PJA2: variants seen among roughly 807,000 people sequenced by gnomAD.
PJA2 encodes E3 ubiquitin-protein ligase Praja-2.
A neutral mutation model predicts 69.3 loss-of-function variants in PJA2; 25 were observed. That is an observed-to-expected ratio of 0.36 (90% CI 0.26 to 0.50). The LOEUF (loss-of-function observed/expected upper bound fraction) is 0.50. Among genes scored for constraint, PJA2 ranks in the 20% least tolerant of loss-of-function variants. The probability of loss-of-function intolerance (pLI) is 0.96; values close to 1 mark genes in which losing one functional copy is unlikely to be tolerated. For missense variants in PJA2, 809 were observed against 830.2 expected (o/e 0.97, Z 0.31); for synonymous variants, 308 against 277.8 (o/e 1.11, Z -1.08).
intron 7 of PJA2, among the ~76,000 whole-genome samples, chr5:109,355,273 T>A (rs1047650409): frequency 2.6e-5 from 4 of 152,200 alleles, no homozygotes; most frequent in Non-Finnish European, 5.9e-5. Context: ...ATTTTGGAAA[T>A]CACTTTGGAA....
At chr5:109,355,879 T>A (rs1160831291) in intron 7 of PJA2, 36 bp downstream of exon 7, 1 of 1,423,342 alleles carries the variant, frequency 7.0e-7, no homozygotes, top group Admixed American at 1.9e-5. Context: ...TTGTATCCCA[T>A]CAACTTATAT....
intron 4 of PJA2, among the ~76,000 whole-genome samples, chr5:109,376,511 C>G (rs766802031): frequency 4.0e-5 from 6 of 151,660 alleles, no homozygotes; most frequent in Non-Finnish European, 8.8e-5. Flanking sequence ...TCATCAACTT[C>G]ATCATAAGAC....
intron 4 of PJA2, among the ~76,000 whole-genome samples, chr5:109,375,009 A>G (rs1746829994): frequency 6.6e-6 from 1 of 152,158 alleles, no homozygotes; most frequent in South Asian, 2.1e-4. Context: ...TCCTAATTTA[A>G]TAAGGTGGTG....
intron 5 of PJA2, 87 bp from the exon 6 acceptor site, chr5:109,363,109 T>C: frequency 9.1e-7 from 1 of 1,095,418 alleles, no homozygotes; most frequent in Non-Finnish European, 1.3e-6. Flanking sequence ...TGCAAGTGGA[T>C]TCTGTTGAGT....
chr5:109,402,637 G>C (rs560877873), intron 1 of PJA2, among the ~76,000 whole-genome samples: 1 of 152,140 alleles, frequency 6.6e-6, no homozygotes, highest in East Asian at 1.9e-4. Context: ...AGTAAGGAAA[G>C]AGAAGGCCTA....
intron 4 of PJA2, among the ~76,000 whole-genome samples, chr5:109,370,976 A>T (rs1762666457): frequency 1.3e-5 from 2 of 152,224 alleles, no homozygotes; most frequent in Non-Finnish European, 2.9e-5. Context: ...AATGTCTATG[A>T]TCAATAATCA....
At chr5:109,388,996 G>C (rs1034344345) in intron 1 of PJA2, among the ~76,000 whole-genome samples, 1 of 152,086 alleles carries the variant, frequency 6.6e-6, no homozygotes, top group African/African-American at 2.4e-5. Context: ...AATGTTATTA[G>C]AAAGCTATTT....
intron 7 of PJA2, among the ~76,000 whole-genome samples, chr5:109,354,215 A>G (rs1485680769): frequency 6.8e-6 from 1 of 147,850 alleles, no homozygotes; most frequent in Non-Finnish European, 1.5e-5. Flanking sequence ...TCTATAGATT[A>G]GATATCTATG....
At chr5:109,364,053 G>A (rs1038462591) in intron 5 of PJA2, among the ~76,000 whole-genome samples, 4 of 152,154 alleles carry the variant, frequency 2.6e-5, no homozygotes, top group African/African-American at 9.7e-5. Context: ...TGAGGCATGA[G>A]AATCGCTTGA....
intron 9 of PJA2, among the ~76,000 whole-genome samples, chr5:109,342,201 G>A (rs1582580468): frequency 7.3e-5 from 6 of 81,670 alleles, no homozygotes; most frequent in African/African-American, 2.0e-4. Flanking sequence ...GGAGGTGGGG[G>A]GGGGTCAGCC....
chr5:109,388,448 T>C (rs3853631), intron 1 of PJA2, among the ~76,000 whole-genome samples: 4,615 of 152,314 alleles, frequency 0.03, 91 homozygotes, highest in Middle Eastern at 0.048. Flanking sequence ...ATGATAAATG[T>C]CTGAGTTGCT....
chr5:109,398,705 A>C (rs1352693392), intron 1 of PJA2, among the ~76,000 whole-genome samples: 1 of 151,988 alleles, frequency 6.6e-6, no homozygotes, highest in Non-Finnish European at 1.5e-5. Context: ...GCAGCACACC[A>C]ACACGGCACA....
intron 7 of PJA2, among the ~76,000 whole-genome samples, chr5:109,355,260 T>C (rs1450177263): frequency 1.3e-5 from 2 of 152,212 alleles, no homozygotes; most frequent in East Asian, 1.9e-4. Flanking sequence ...TTTCTGTACC[T>C]ATATTTTGGA....
intron 4 of PJA2, among the ~76,000 whole-genome samples, chr5:109,376,772 G>A (rs1412541754): frequency 6.6e-6 from 1 of 152,084 alleles, no homozygotes; most frequent in African/African-American, 2.4e-5. Context: ...AGGGCTAAAT[G>A]TGTTTTGGAA....
intron 4 of PJA2, among the ~76,000 whole-genome samples, chr5:109,374,890 T>A (rs1325317369): frequency 6.6e-6 from 1 of 152,144 alleles, no homozygotes; most frequent in East Asian, 1.9e-4. Flanking sequence ...CTCAAACAGT[T>A]ACTAAACTTC....
At chr5:109,373,382 T>A (rs538915001) in intron 4 of PJA2, among the ~76,000 whole-genome samples, 1 of 152,116 alleles carries the variant, frequency 6.6e-6, no homozygotes, top group African/African-American at 2.4e-5. Context: ...CCTCTCTTCA[T>A]TGAAGAGGAA....
chr5:109,347,846 A>G (rs1332504401), intron 7 of PJA2, among the ~76,000 whole-genome samples: 16 of 152,150 alleles, frequency 1.1e-4, no homozygotes, highest in Admixed American at 1.0e-3. Flanking sequence ...TGGTATTCTA[A>G]ACTTCTGTTG....
chr5:109,396,529 C>T (rs1747416051), intron 1 of PJA2, among the ~76,000 whole-genome samples: 1 of 147,200 alleles, frequency 6.8e-6, no homozygotes, highest in Admixed American at 7.0e-5. Context: ...CAGGTTCAAG[C>T]AATTCTCCTG....
intron 7 of PJA2, among the ~76,000 whole-genome samples, chr5:109,353,709 A>T (rs928675104): frequency 6.8e-6 from 1 of 147,950 alleles, no homozygotes. Flanking sequence ...ATCTACAGAC[A>T]TCTATATATT....
Sources: allele counts gnomAD v4.1 joint callset (sites outside exome capture counted in the v4.1 genomes callset), GRCh38; gene constraint gnomAD v4.1.1; transcripts MANE v1.5; gene names NCBI Gene and HGNC (gene_info 2026-07-23, HGNC 2026-07-21).